Variants in AMD1 observed in about 807,000 individuals in gnomAD.
AMD1 encodes the protein adenosylmethionine decarboxylase 1, also known as S-adenosylmethionine decarboxylase proenzyme.
AMD1 carries 11 observed loss-of-function variants against 40.2 expected under a neutral mutation model. The observed-to-expected ratio is 0.27, with a 90% CI of 0.17 to 0.45. AMD1 has a LOEUF of 0.45. Ranked by LOEUF, AMD1 falls within the 20% of genes least tolerant of loss-of-function variation. The pLI is 1.00. For synonymous variants in AMD1, 121 were observed against 130.8 expected, an observed-to-expected ratio of 0.93 and a Z score of 0.51; for missense variants, 257 against 410.2, an observed-to-expected ratio of 0.63 and a Z score of 3.23.
At chr6:110,827,032 G>A in the AMD1 span, among the ~76,000 whole-genome samples, 1 of 151,988 alleles carries the variant, frequency 6.6e-6, no homozygotes, top group African/African-American at 2.4e-5. Flanking sequence ...TAGTCATAAT[G>A]GATTTAGGGC....
chr6:110,859,152 C>G, the AMD1 span: 2 of 1,260,456 alleles, frequency 1.6e-6, no homozygotes, highest in Non-Finnish European at 2.2e-6. Context: ...TACTGAGGCT[C>G]CCAGCACGCT....
chr6:110,872,094 G>C (rs1187711269), upstream of AMD1, among the ~76,000 whole-genome samples: 2 of 152,164 alleles, frequency 1.3e-5, no homozygotes, highest in Non-Finnish European at 2.9e-5. Context: ...TGGTCTCAAT[G>C]GCTTTGGCAA....
At chr6:110,818,256 A>C in the AMD1 span, among the ~76,000 whole-genome samples, 4 of 152,162 alleles carry the variant, frequency 2.6e-5, no homozygotes, top group African/African-American at 9.7e-5. Flanking sequence ...TGTACACTCC[A>C]ATCAGGAGCA....
At chr6:110,853,601 C>T in the AMD1 span, among the ~76,000 whole-genome samples, 2 of 152,162 alleles carry the variant, frequency 1.3e-5, no homozygotes, top group African/African-American at 4.8e-5. Context: ...GCCACCGCAC[C>T]TGGCCATTTT....
chr6:110,892,489 G>A (rs745314657), intron 6 of AMD1, 46 bp downstream of exon 6: 1 of 1,600,342 alleles, frequency 6.2e-7, no homozygotes, highest in Non-Finnish European at 8.5e-7. Context: ...TCTGCGTGGG[G>A]ACTAAATTTT....
the AMD1 span, chr6:110,856,415 T>C: frequency 1.3e-5 from 2 of 152,214 alleles, no homozygotes; most frequent in South Asian, 4.1e-4. Context: ...AGAATTGGAT[T>C]GGTGCTCGTA....
the AMD1 span, among the ~76,000 whole-genome samples, chr6:110,830,606 CT>C: frequency 6.6e-6 from 1 of 152,210 alleles, no homozygotes; most frequent in African/African-American, 2.4e-5. Context: ...AGAACTGCCC[CT>C]GAGCTGCTAC....
At chr6:110,868,667 A>G in the AMD1 span, among the ~76,000 whole-genome samples, 1 of 152,168 alleles carries the variant, frequency 6.6e-6, no homozygotes. Flanking sequence ...CTTCTGGTAT[A>G]TCTCCTCTAT....
chr6:110,876,347 C>CA (rs1267438937), intron 1 of AMD1, among the ~76,000 whole-genome samples: 3 of 152,184 alleles, frequency 2.0e-5, no homozygotes, highest in African/African-American at 4.8e-5. Flanking sequence ...GAGTAACTGG[C>CA]GTGGCCAGCT....
the AMD1 span, chr6:110,814,757 G>A: frequency 1.2e-5 from 8 of 649,738 alleles, no homozygotes; most frequent in Admixed American, 1.0e-4. Context: ...AGCACTCGGA[G>A]GGCGCCCCTC....
chr6:110,851,744 G>A, the AMD1 span, among the ~76,000 whole-genome samples: 2 of 152,264 alleles, frequency 1.3e-5, no homozygotes, highest in African/African-American at 2.4e-5. Flanking sequence ...TTACAAGTGT[G>A]AGCCACTGCA....
chr6:110,850,713 T>C, the AMD1 span, among the ~76,000 whole-genome samples: 1 of 152,184 alleles, frequency 6.6e-6, no homozygotes, highest in African/African-American at 2.4e-5. Flanking sequence ...ATTTTACCAA[T>C]ACAAGGCTTT....
At chr6:110,869,398 C>T in the AMD1 span, among the ~76,000 whole-genome samples, 3 of 152,142 alleles carry the variant, frequency 2.0e-5, no homozygotes, top group Non-Finnish European at 1.5e-5. Context: ...TCCCAAAGTG[C>T]TGGGATTACA....
chr6:110,816,792 T>G, the AMD1 span, among the ~76,000 whole-genome samples: 40 of 152,318 alleles, frequency 2.6e-4, no homozygotes, highest in Admixed American at 7.2e-4. Flanking sequence ...CCTTGCTGTG[T>G]TGCCCAGGCT....
At chr6:110,886,463 G>A (rs1368651255) in intron 1 of AMD1, among the ~76,000 whole-genome samples, 3 of 151,940 alleles carry the variant, frequency 2.0e-5, no homozygotes, top group African/African-American at 4.8e-5. Flanking sequence ...CTGCCACCAC[G>A]CCCGGCTAAT....
chr6:110,855,602 A>C, the AMD1 span, among the ~76,000 whole-genome samples: 2 of 152,148 alleles, frequency 1.3e-5, no homozygotes, highest in Non-Finnish European at 2.9e-5. Flanking sequence ...AGGACATTTC[A>C]AGGAAATGTC....
chr6:110,858,581 G>A, the AMD1 span: 1 of 1,596,064 alleles, frequency 6.3e-7, no homozygotes, highest in Non-Finnish European at 8.6e-7. Flanking sequence ...GTTTGAGAGT[G>A]GGAACATGAC....
At chr6:110,818,132 T>A in the AMD1 span, among the ~76,000 whole-genome samples, 1 of 152,216 alleles carries the variant, frequency 6.6e-6, no homozygotes, top group Non-Finnish European at 1.5e-5. Flanking sequence ...TTAGGTTTCA[T>A]TATTCTGTCG....
chr6:110,860,829 C>A, the AMD1 span, among the ~76,000 whole-genome samples: 4,557 of 116,320 alleles, frequency 0.039, 154 homozygotes, highest in East Asian at 0.26. Context: ...AACAAAACAC[C>A]CACCCACACA....
Sources: allele counts gnomAD v4.1 joint callset (sites outside exome capture counted in the v4.1 genomes callset), GRCh38; gene constraint gnomAD v4.1.1; transcripts MANE v1.5; gene names NCBI Gene and HGNC (gene_info 2026-07-23, HGNC 2026-07-21).